The following RIC1 variants were observed in gnomAD, a reference collection of about 807,000 sequenced individuals.
RIC1 encodes the protein RIC1 partner of RAB6A GEF complex, also known as guanine nucleotide exchange factor subunit RIC1.
Under a neutral mutation model 169.0 loss-of-function variants are expected in RIC1, and 88 were observed. The ratio of observed to expected loss-of-function variants is 0.52; its 90% CI spans 0.44 to 0.62. The LOEUF (loss-of-function observed/expected upper bound fraction) is 0.62, where lower values mean the gene tolerates loss of function less well. RIC1 is among the 20% of genes least tolerant of loss of function. RIC1 has a pLI of 0.00. For missense variants in RIC1, 1,877 were observed against 1,725.5 expected (o/e 1.09, Z -1.56); for synonymous variants, 790 against 601.5 (o/e 1.31, Z -4.59).
At chr9:5,681,955 G>C (rs1292339355) in intron 2 of RIC1, among the ~76,000 whole-genome samples, 4 of 152,256 alleles carry the variant, frequency 2.6e-5, no homozygotes, top group South Asian at 2.1e-4. Context: ...TTTAAAGTCT[G>C]TTTTATCCGA....
chr9:5,723,654 A>C (rs1318383173), intron 6 of RIC1, among the ~76,000 whole-genome samples: 1 of 152,106 alleles, frequency 6.6e-6, no homozygotes, highest in African/African-American at 2.4e-5. Context: ...CCTGAATGGT[A>C]TTGTCTAGGT....
At chr9:5,708,781 C>G (rs1181342399) in intron 3 of RIC1, among the ~76,000 whole-genome samples, 2 of 152,108 alleles carry the variant, frequency 1.3e-5, no homozygotes, top group Non-Finnish European at 2.9e-5. Context: ...TTGGCTTTCT[C>G]AGATTTGGAA....
chr9:5,634,219 A>G (rs181404583), intron 1 of RIC1, among the ~76,000 whole-genome samples: 1 of 152,314 alleles, frequency 6.6e-6, no homozygotes, highest in African/African-American at 2.4e-5. Context: ...TCTCTTTGAG[A>G]TACTGATTTC....
chr9:5,696,903 A>G (rs868644072), intron 3 of RIC1, among the ~76,000 whole-genome samples: 1 of 152,048 alleles, frequency 6.6e-6, no homozygotes, highest in Non-Finnish European at 1.5e-5. Context: ...GGCTTTTTGT[A>G]TGTCTTTTAG....
rs1201415623 is a variant in RIC1 at position 5,754,841 on chromosome 9, G to T, written c.1603G>T (p.Glu535Ter). 1 of 1,550,904 alleles carries T rather than the reference G, an allele frequency of 6.4e-7. No homozygotes were observed. The highest frequency in any genetic ancestry group is 8.8e-7 in the Non-Finnish European group (1 of 1,139,634). Residue 535 changes from glutamate to a stop codon, truncating the protein, a stop_gained and splice_region_variant, in exon 15 of 26, where the codon GAG becomes TAG. Coordinates refer to ENST00000414202, the MANE Select transcript of RIC1 (RefSeq NM_020829.4). LOFTEE classifies it high-confidence loss of function. ...TTTTTTAAAAAATTTTTATTTTAAG[G>T]AGCAAAATATGATCGTGACAGGTGG... Reference protein sequence around the residue: ...KWKLFGNITQEQNMIVTGGLA... With the variant: ...KWKLFGNITQ
rs965324908 is a variant in RIC1 at position 5,665,967 on chromosome 9, T to C, written c.252+9277T>C. On this transcript the variant is annotated intron_variant, in intron 2 of 25. Transcript: ENST00000414202. ...GTCTGGCTGCAGCAGGTGTGCTGTG[T>C]TGGGGATTCCTTCAGCCCCCCAATT... Among the ~76,000 whole-genome samples, 15 of 152,262 alleles carry C rather than the reference T, an allele frequency of 9.9e-5. No homozygotes were observed. In the South Asian group the frequency reaches 2.9e-3, roughly 29 times the overall value.
chr9:5,725,978 T>C (rs1021335160), intron 6 of RIC1, among the ~76,000 whole-genome samples: 1 of 152,176 alleles, frequency 6.6e-6, no homozygotes. Flanking sequence ...TCCAACTATG[T>C]GGTCAATTTT....
intron 21 of RIC1, among the ~76,000 whole-genome samples, chr9:5,766,928 C>T (rs1373831393): frequency 2.6e-5 from 4 of 152,194 alleles, no homozygotes; most frequent in African/African-American, 4.8e-5. Flanking sequence ...CCCTGTTTTC[C>T]ATAGCAGCTG....
chr9:5,668,113 C>T lies in RIC1; in HGVS notation c.252+11423C>T, dbSNP rs573127222. 2.0e-5 allele frequency among the ~76,000 whole-genome samples: 3 copies of T among 152,190 alleles called. No homozygotes were observed. The South Asian group carries it at 6.2e-4, about 32-fold the overall frequency. On this transcript the variant is annotated intron_variant, in intron 2 of 25. Coordinates refer to ENST00000414202, the MANE Select transcript of RIC1 (RefSeq NM_020829.4). ...GTGGTGGCAGGAGAGAAGTGCTGAG[C>T]AGAGGGAGAAAAGCCACCTATTAAA...
At chr9:5,711,200 A>G (rs1364609287) in intron 3 of RIC1, among the ~76,000 whole-genome samples, 1 of 152,182 alleles carries the variant, frequency 6.6e-6, no homozygotes, top group African/African-American at 2.4e-5. Flanking sequence ...GTGAATAGGA[A>G]TGTCATTGAA....
rs1826483032 is a variant in RIC1 at position 5,763,668 on chromosome 9, G to A, written c.2641G>A (p.Asp881Asn). ...AGCTACCTCACGGGAGCCCATTCCC[G>A]ACCCTCTGCTTCCCACTGTGGCAAA... ...EEATSREPIP[D>N]PLLPTVAKFI... is the part of the protein sequence containing the mutation. The change falls in exon 19 of 26, where the codon GAC becomes AAC. Residue 881 changes from aspartate to asparagine, a missense_variant. Coordinates refer to ENST00000414202, the MANE Select transcript of RIC1 (RefSeq NM_020829.4). This position sits in a 1 kb window ranked among gnomAD's most constrained non-coding sequence, Gnocchi z 5.2. 1 of 1,613,986 alleles carries A rather than the reference G, an allele frequency of 6.2e-7. No individual in the cohort carries two copies. The highest frequency in any genetic ancestry group is 8.5e-7 in the Non-Finnish European group (1 of 1,180,010).
At chr9:5,699,940 C>T (rs923788107) in intron 3 of RIC1, among the ~76,000 whole-genome samples, 2 of 151,978 alleles carry the variant, frequency 1.3e-5, no homozygotes, top group Non-Finnish European at 2.9e-5. Flanking sequence ...GCTTTAAGAA[C>T]CACAACAACT....
chr9:5,756,152 T>G, intron 15 of RIC1, 60 bp from the exon 16 acceptor site: 1 of 1,139,892 alleles, frequency 8.8e-7, no homozygotes, highest in Non-Finnish European at 1.2e-6. Flanking sequence ...GTTTAAAGTA[T>G]TTGGTCATCC....
chr9:5,724,924 A>G (rs982294999), intron 6 of RIC1, among the ~76,000 whole-genome samples: 3 of 152,184 alleles, frequency 2.0e-5, no homozygotes, highest in Admixed American at 6.5e-5. Context: ...ATAGTGGTGG[A>G]TAAGCTTTTT....
intron 1 of RIC1, among the ~76,000 whole-genome samples, chr9:5,633,672 A>T (rs376072911): frequency 6.6e-6 from 1 of 152,194 alleles, no homozygotes; most frequent in African/African-American, 2.4e-5. Context: ...GATAATCACA[A>T]TCAGTCTAAT....
chr9:5,773,894 C>T lies in RIC1; in HGVS notation c.3984-64C>T, dbSNP rs150896258. On this transcript the variant is annotated intron_variant, in intron 25 of 25. Transcript: ENST00000414202. ...TATCAATGTTCAGTAGAAGTTCACCCGTAATGTTCTACCAAACCTTTTGAA... is the reference window on the plus strand; with the variant it reads ...TATCAATGTTCAGTAGAAGTTCACCTGTAATGTTCTACCAAACCTTTTGAA... 31 of 1,410,682 alleles carry T rather than the reference C, an allele frequency of 2.2e-5. No homozygotes were observed. In the East Asian group the frequency reaches 2.3e-4, roughly 11 times the overall value. 87.4% of individuals were successfully genotyped at this position (1,410,682 alleles called of 1,614,324 possible). A position where few individuals can be genotyped will look rare whatever the true frequency, so the allele number is the denominator to read the frequency against.
At chr9:5,653,831 G>A (rs1586885832) in intron 1 of RIC1, among the ~76,000 whole-genome samples, 1 of 152,004 alleles carries the variant, frequency 6.6e-6, no homozygotes, top group East Asian at 1.9e-4. Context: ...CTTTTGACCT[G>A]GTGATCTGCC....
At position 5,770,126 on chromosome 9, in the gene RIC1, T is replaced by C. The variant is rs1827104611; in HGVS notation, c.3464T>C (p.Phe1155Ser). 4.3e-6 allele frequency: 7 copies of C among 1,613,580 alleles called. No homozygotes were observed. The East Asian group carries it at 1.6e-4, about 36-fold the overall frequency. Residue 1155 changes from phenylalanine to serine, a missense_variant, in exon 23 of 26, where the codon TTT becomes TCT. Phe to Ser is a radical substitution (Grantham distance 155, BLOSUM62 -2). Coordinates refer to ENST00000414202, the MANE Select transcript of RIC1 (RefSeq NM_020829.4). ...QLLKSQSADPFLNLEMDAGIS... is the reference protein window; with the variant it reads ...QLLKSQSADPSLNLEMDAGIS... ...TTAAAGTCTCAATCAGCTGACCCAT[T>C]TTTGAACCTTGAGATGGATGCTGGC...
Position 5,745,952 on chromosome 9 carries a change from C to G in RIC1, c.1117C>G (p.His373Asp). The change falls in exon 11 of 26, where the codon CAC becomes GAC. Residue 373 changes from histidine (H) to aspartate (D), a missense_variant. His to Asp is a moderately conservative substitution (Grantham distance 81, BLOSUM62 -1). Transcript: ENST00000414202. Reference protein sequence around the residue: ...NSMSWGAEGYHLWVISGFGSQ... With the variant: ...NSMSWGAEGYDLWVISGFGSQ... ...TAAGAGCTGGGGTGCAGAAGGCTAT[C>G]ACCTATGGGTAATCAGCGGATTTGG... 1 of 1,613,308 alleles carries G rather than the reference C, an allele frequency of 6.2e-7. No homozygotes were observed. The highest frequency in any genetic ancestry group is 2.2e-5 in the East Asian group (1 of 44,844).
Sources: gnomAD v4.1 joint callset for allele counts (sites outside exome capture counted in the v4.1 genomes callset) on GRCh38, gnomAD v4.1.1 for gene constraint, Gnocchi (gnomAD v3.1) non-coding constraint, MANE v1.5 for transcripts, NCBI Gene and HGNC (gene_info 2026-07-23, HGNC 2026-07-21) for gene names.